The following PTPRA variants were observed in gnomAD, a reference collection of about 807,000 sequenced individuals.
PTPRA encodes receptor-type tyrosine-protein phosphatase alpha.
Under a neutral mutation model 104.8 loss-of-function variants are expected in PTPRA, and 25 were observed. The ratio of observed to expected loss-of-function variants is 0.24; its 90% CI spans 0.17 to 0.33. The LOEUF (loss-of-function observed/expected upper bound fraction) is 0.33. PTPRA is among the 10% of genes least tolerant of loss of function. The probability of loss-of-function intolerance (pLI) is 1.00; values close to 1 mark genes in which losing one functional copy is unlikely to be tolerated. For missense variants in PTPRA, 765 were observed against 1,015.3 expected (o/e 0.75, Z 3.35); for synonymous variants, 323 against 368.9 (o/e 0.88, Z 1.43).
At chr20:3,033,116 T>G (rs1364051623) in intron 20 of PTPRA, among the ~76,000 whole-genome samples, 2 of 151,928 alleles carry the variant, frequency 1.3e-5, no homozygotes, top group African/African-American at 4.8e-5. Context: ...CACTAGCCCT[T>G]CAGGATCTCA....
intron 5 of PTPRA, among the ~76,000 whole-genome samples, chr20:2,973,644 G>A (rs957967718): frequency 6.6e-6 from 1 of 152,132 alleles, no homozygotes; most frequent in Non-Finnish European, 1.5e-5. Flanking sequence ...TCCAACCACT[G>A]CGAAGGACAA....
chr20:2,979,376 G>A (rs1018244925), intron 6 of PTPRA, among the ~76,000 whole-genome samples: 1 of 152,078 alleles, frequency 6.6e-6, no homozygotes, highest in African/African-American at 2.4e-5. Context: ...ACAGGTATTG[G>A]ATCTCCTGGA....
chr20:2,922,400 C>CA (rs1164682826), intron 1 of PTPRA, among the ~76,000 whole-genome samples: 2 of 152,168 alleles, frequency 1.3e-5, no homozygotes, highest in Non-Finnish European at 2.9e-5. Flanking sequence ...AGTACACTGT[C>CA]ACGATCTCGG....
chr20:2,881,819 G>A (rs940302329), intron 1 of PTPRA, among the ~76,000 whole-genome samples: 5 of 152,122 alleles, frequency 3.3e-5, no homozygotes, highest in African/African-American at 1.2e-4. Flanking sequence ...TGGCCAACAT[G>A]GCAAAACCCT....
rs11087563 is a variant in PTPRA, at chr20:3,025,452, C to CAAA, written c.1614+848_1614+850dup. 1.3e-4 allele frequency among the ~76,000 whole-genome samples: 14 copies of CAAA among 108,458 alleles called. No individual in the cohort carries two copies. The East Asian group carries it at 1.9e-3, about 15-fold the overall frequency. The allele number at this position is 108,458 out of a possible 152,430, so 71.2% of individuals were successfully genotyped here. On this transcript the variant is annotated intron_variant, in intron 17 of 23. Transcript: ENST00000399903. ...TGGGCGACAGAGCGAGACTCCATCTCAAAAAAAAAAAAAAAAAAAGTGCTT... is the reference window on the plus strand; with the variant it reads ...TGGGCGACAGAGCGAGACTCCATCTCAAAAAAAAAAAAAAAAAAAAAAGTGCTT...
Position 3,022,902 on chromosome 20 carries a change from C to G in PTPRA, c.1464+78C>G. On this transcript the variant is annotated intron_variant, in intron 16 of 23. Coordinates refer to ENST00000399903, the MANE Select transcript of PTPRA (RefSeq NM_001385305.1). This position sits in a 1 kb window ranked among gnomAD's most constrained non-coding sequence, Gnocchi z 4.6. Reference sequence around the variant, plus strand: ...TGCCCACATTGAGGATTCACTCAGTCTCACAGGTTATTGTAAATGATTACT... The same window carrying G: ...TGCCCACATTGAGGATTCACTCAGTGTCACAGGTTATTGTAAATGATTACT... 1 of 1,586,304 alleles carries G rather than the reference C, an allele frequency of 6.3e-7. No homozygotes were observed. Among genetic ancestry groups the G allele is most frequent in the Non-Finnish European group, 8.6e-7 (1 of 1,163,944 alleles).
intron 1 of PTPRA, among the ~76,000 whole-genome samples, chr20:2,878,751 A>G (rs1184231424): frequency 6.6e-6 from 1 of 152,220 alleles, no homozygotes; most frequent in Non-Finnish European, 1.5e-5. Flanking sequence ...TTGACAACCC[A>G]TCTAGTGCTA....
chr20:2,966,859 T>C (rs1568673668), intron 5 of PTPRA, among the ~76,000 whole-genome samples: 1 of 152,240 alleles, frequency 6.6e-6, no homozygotes, highest in Non-Finnish European at 1.5e-5. Context: ...CTTTTAATGT[T>C]ACATACAATT....
At chr20:2,879,630 G>C (rs564065605) in intron 1 of PTPRA, among the ~76,000 whole-genome samples, 2 of 152,274 alleles carry the variant, frequency 1.3e-5, no homozygotes, top group South Asian at 4.1e-4. Context: ...ATACAGTCAT[G>C]CACAGTATAA....
chr20:2,890,557 G>A (rs376740254), intron 1 of PTPRA, among the ~76,000 whole-genome samples: 1 of 152,160 alleles, frequency 6.6e-6, no homozygotes, highest in East Asian at 1.9e-4. Context: ...CTCCCTAGTA[G>A]TTGATTTGGG....
chr20:2,952,278 G>A lies in PTPRA; in HGVS notation c.-7+4254G>A, dbSNP rs145459576. ...TTAGTCACTTTAGTGGGCATATACT[G>A]GTATTTTATGTTTTACTTTTTATTT... On this transcript the variant is annotated intron_variant, in intron 3 of 23. Coordinates refer to ENST00000399903, the MANE Select transcript of PTPRA (RefSeq NM_001385305.1). Among the ~76,000 whole-genome samples the A allele has an allele frequency of 3.3e-5, 5 of 152,052 alleles. No homozygotes were observed. The East Asian group carries it at 7.7e-4, about 23-fold the overall frequency.
In PTPRA at chr20:2,908,750, A is replaced by T. The variant is rs189528368; in HGVS notation, c.-128-14457A>T. On this transcript the variant is annotated intron_variant, in intron 1 of 23. Coordinates refer to ENST00000399903, the MANE Select transcript of PTPRA (RefSeq NM_001385305.1). ...TCTAGTTTTAAAAAAATACAAAATT[A>T]AAAAAAATGAAAAACATGACATTCA... Among the ~76,000 whole-genome samples, 336 of 152,112 alleles carry T rather than the reference A, an allele frequency of 2.2e-3. 4 individuals are homozygous for T. Among genetic ancestry groups the T allele is most frequent in the Non-Finnish European group, 3.4e-3 (229 of 67,980 alleles).
chr20:3,031,940 G>A (rs1412221215), intron 20 of PTPRA, among the ~76,000 whole-genome samples: 2 of 152,068 alleles, frequency 1.3e-5, no homozygotes, highest in Admixed American at 1.3e-4. Flanking sequence ...ACATCACTGG[G>A]CAAAAACACA....
intron 3 of PTPRA, among the ~76,000 whole-genome samples, chr20:2,960,160 A>G (rs974184639): frequency 6.6e-6 from 1 of 152,104 alleles, no homozygotes; most frequent in Admixed American, 6.5e-5. Flanking sequence ...CTACCATTGT[A>G]GTATCATACA....
intron 2 of PTPRA, among the ~76,000 whole-genome samples, chr20:2,928,413 T>C: frequency 6.6e-6 from 1 of 152,154 alleles, no homozygotes; most frequent in Non-Finnish European, 1.5e-5. Flanking sequence ...CAGCCTCTGG[T>C]GTCTGTTTTT....
chr20:2,948,734 A>G (rs775630676), intron 3 of PTPRA, among the ~76,000 whole-genome samples: 29 of 151,812 alleles, frequency 1.9e-4, no homozygotes, highest in Non-Finnish European at 2.2e-4. Context: ...GGCGGATCAC[A>G]AGGTCAGGAG....
intron 1 of PTPRA, among the ~76,000 whole-genome samples, chr20:2,914,445 CTGTGTGTGTGTG>C (rs35272226): frequency 2.5e-4 from 36 of 145,718 alleles, no homozygotes; most frequent in African/African-American, 7.5e-4. Context: ...ATTTCTTGCT[CTGTGTGTGTGTG>C]TGTGTGTGTG....
intron 1 of PTPRA, among the ~76,000 whole-genome samples, chr20:2,916,250 A>G (rs888060227): frequency 3.9e-5 from 6 of 152,098 alleles, no homozygotes; most frequent in Admixed American, 1.3e-4. Flanking sequence ...ATTATTGCCT[A>G]GGCTGGTCTT....
intron 3 of PTPRA, among the ~76,000 whole-genome samples, chr20:2,951,771 G>A (rs2061361453): frequency 6.6e-6 from 1 of 152,126 alleles, no homozygotes; most frequent in African/African-American, 2.4e-5. Flanking sequence ...CTTCCTCTTC[G>A]GAACTGCGAG....
Sources: allele counts gnomAD v4.1 joint callset (sites outside exome capture counted in the v4.1 genomes callset), GRCh38; gene constraint gnomAD v4.1.1; non-coding constraint Gnocchi (gnomAD v3.1); transcripts MANE v1.5; gene names NCBI Gene and HGNC (gene_info 2026-07-23, HGNC 2026-07-21).